Variants in MUC17 observed in about 807,000 individuals in gnomAD.
The protein encoded by MUC17 is mucin-17.
Under a neutral mutation model 170.3 loss-of-function variants are expected in MUC17, and 190 were observed. The observed-to-expected ratio is 1.12, with a 90% CI of 0.99 to 1.26. The LOEUF (loss-of-function observed/expected upper bound fraction) is 1.26, where lower values mean the gene tolerates loss of function less well. MUC17 is among the 50% of genes most tolerant of loss of function. MUC17 has a pLI of 0.00. For synonymous variants in MUC17, 2,325 were observed against 2,002.5 expected (o/e 1.16, Z -4.30); for missense variants, 6,415 against 5,530.0 (o/e 1.16, Z -5.08).
Position 101,020,362 on chromosome 7 carries a change from C to T in MUC17, c.82+145C>T, listed in dbSNP as rs1188485861. 60 of 536,146 alleles carry T rather than the reference C, an allele frequency of 1.1e-4. No individual in the cohort carries two copies. In the East Asian group the frequency reaches 2.0e-3, roughly 18 times the overall value. 33.2% of individuals were successfully genotyped at this position (536,146 alleles called of 1,614,324 possible). A position where few individuals can be genotyped will look rare whatever the true frequency, so the allele number is the denominator to read the frequency against. On this transcript the variant is annotated intron_variant, in intron 1 of 12. Transcript: ENST00000306151. Reference sequence around the variant, plus strand: ...CTGGAGCTCAGCCCTGTGCCTACCCCCTGGACTTCTCTTCTCTCCCCAGCG... The same window carrying T: ...CTGGAGCTCAGCCCTGTGCCTACCCTCTGGACTTCTCTTCTCTCCCCAGCG...
chr7:101,052,002 C>A, intron 9 of MUC17, 40 bp downstream of exon 9: 1 of 1,585,258 alleles, frequency 6.3e-7, no homozygotes, highest in Non-Finnish European at 8.6e-7. Context: ...GCCCAGACGT[C>A]CTGGTCCTCC....
At position 101,051,797 on chromosome 7, in the gene MUC17, C is replaced by T; in HGVS notation, c.12944-6C>T. ...GGCTGTTCCCTGTCCCTGCACCCCC[C>T]ACCAGAGGACTGCCGGAAGATGGCC... On this transcript the variant is annotated splice_polypyrimidine_tract_variant and splice_region_variant and intron_variant, in intron 8 of 12. Transcript: ENST00000306151. The T allele has an allele frequency of 6.2e-7, 1 of 1,612,772 alleles. No homozygotes were observed. The highest frequency in any genetic ancestry group is 8.5e-7 in the Non-Finnish European group (1 of 1,179,004).
In MUC17 at chr7:101,033,298, G is replaced by C. The variant is rs772331907; in HGVS notation, c.1882G>C (p.Gly628Arg). 1.9e-6 allele frequency: 3 copies of C among 1,598,058 alleles called. No individual in the cohort carries two copies. Among genetic ancestry groups the C allele is most frequent in the Non-Finnish European group, 2.6e-6 (3 of 1,173,738 alleles). ...SMPTSTYSER[G>R]TTITSMSVST... Reference sequence around the variant, plus strand: ...GCCAACCTCAACTTACAGTGAAAGAGGCACTACAATAACAAGTATGTCTGT... The same window carrying C: ...GCCAACCTCAACTTACAGTGAAAGACGCACTACAATAACAAGTATGTCTGT... The change falls in exon 3 of 13, where the codon GGC becomes CGC. Residue 628 changes from glycine to arginine, a missense_variant. Coordinates refer to ENST00000306151, the MANE Select transcript of MUC17 (RefSeq NM_001040105.2).
At chr7:101,049,073 C>T (rs990543910) in intron 5 of MUC17, 101 bp downstream of exon 5, 49 of 1,544,844 alleles carry the variant, frequency 3.2e-5, no homozygotes, top group South Asian at 1.5e-4. Flanking sequence ...GTTAGATGTG[C>T]GGGAGTTCTC....
intron 1 of MUC17, among the ~76,000 whole-genome samples, chr7:101,028,978 G>A (rs761652826): frequency 1.3e-4 from 20 of 152,020 alleles, no homozygotes; most frequent in Non-Finnish European, 2.6e-4. Context: ...ACCTGAGGTC[G>A]GGAGTTCGAG....
At position 101,024,738 on chromosome 7, in the gene MUC17, C is replaced by CTTTTTTTT. The variant is rs35811119; in HGVS notation, c.82+4534_82+4541dup. 2.6e-4 allele frequency among the ~76,000 whole-genome samples: 32 copies of CTTTTTTTT among 125,442 alleles called. 1 individual carries two copies. Among genetic ancestry groups the CTTTTTTTT allele is most frequent in the African/African-American group, 6.0e-4 (19 of 31,450 alleles). The allele number at this position is 125,442 out of a possible 152,430, so 82.3% of individuals were successfully genotyped here. A position where few individuals can be genotyped will look rare whatever the true frequency, so the allele number is the denominator to read the frequency against. On this transcript the variant is annotated intron_variant, in intron 1 of 12. Transcript: ENST00000306151. ...AACCTCCTCCCTGCTCTGTCTCCTC[C>CTTTTTTTT]TTTTTTTTTTTTTTTTTTTTCTGAG...
Position 101,049,353 on chromosome 7 carries a change from G to C in MUC17, c.12693G>C (p.Glu4231Asp). 1 of 1,613,810 alleles carries C rather than the reference G, an allele frequency of 6.2e-7. No homozygotes were observed. The highest frequency in any genetic ancestry group is 8.5e-7 in the Non-Finnish European group (1 of 1,179,858). ...ATATTGTGTATTCCGGGATCCCTGA[G>C]TATGTCGGGGTGAACATCACAAAGC... ...QMNIVYSGIP[E>D]YVGVNITKLR... The change falls in exon 6 of 13, where the codon GAG (glutamate) becomes GAC (aspartate). Residue 4231 changes from glutamate to aspartate, a missense_variant. Coordinates refer to ENST00000306151, the MANE Select transcript of MUC17 (RefSeq NM_001040105.2).
chr7:101,030,863 G>C (rs368127946), intron 1 of MUC17, among the ~76,000 whole-genome samples: 50 of 152,340 alleles, frequency 3.3e-4, no homozygotes, highest in African/African-American at 1.1e-3. Flanking sequence ...AGCCTCCAAA[G>C]TGCTGGAACT....
Position 101,033,891 on chromosome 7 carries a change from C to A in MUC17, c.2475C>A (p.Thr825=). The A allele has an allele frequency of 6.2e-7, 1 of 1,613,366 alleles. No individual in the cohort carries two copies. The highest frequency in any genetic ancestry group is 1.7e-4 in the Middle Eastern group (1 of 6,058). ...ITPVTSPEAS[T]LSTTPVDSNS... is the part of the protein sequence containing the mutation. The stretch of plus-strand genomic sequence containing the variant: ...CGGTGACCAGTCCTGAGGCTAGCAC[C>A]CTTTCAACAACTCCTGTTGACTCCA... Residue 825 remains threonine (T), a synonymous_variant, in exon 3 of 13, where the codon ACC becomes ACA. Coordinates refer to ENST00000306151, the MANE Select transcript of MUC17 (RefSeq NM_001040105.2).
intron 8 of MUC17, 37 bp downstream of exon 8, chr7:101,051,718 AG>A: frequency 6.2e-7 from 1 of 1,607,918 alleles, no homozygotes; most frequent in South Asian, 1.1e-5. Context: ...GGAAGGCTGG[AG>A]AGGTGGGGAG....
At position 101,048,852 on chromosome 7, in the gene MUC17, G is replaced by C; in HGVS notation, c.12543G>C (p.Pro4181=). Residue 4181 remains proline, a synonymous_variant, in exon 5 of 13, where the codon CCG becomes CCC. Coordinates refer to ENST00000306151, the MANE Select transcript of MUC17 (RefSeq NM_001040105.2). ...TAAGTCTACCCGCCTCAGGGCCACC[G>C]GAGACTATCTCTGCCCAAATGGAAC... ...EVVSSIDIGP[P]ETISAQMELT... is the part of the protein sequence containing the mutation. 1 of 1,613,966 alleles carries C rather than the reference G, an allele frequency of 6.2e-7. No individual in the cohort carries two copies. Among genetic ancestry groups the C allele is most frequent in the Non-Finnish European group, 8.5e-7 (1 of 1,179,920 alleles).
chr7:101,030,123 C>G (rs1413498388), intron 1 of MUC17, among the ~76,000 whole-genome samples: 7 of 151,948 alleles, frequency 4.6e-5, no homozygotes, highest in African/African-American at 1.7e-4. Flanking sequence ...ACCTTAAGTT[C>G]TCTTAAATGT....
In MUC17 at chr7:101,041,444, C is replaced by T. The variant is rs768595125; in HGVS notation, c.10028C>T (p.Thr3343Ile). Residue 3343 changes from threonine (T) to isoleucine (I), a missense_variant, in exon 3 of 13, where the codon ACA becomes ATA. Coordinates refer to ENST00000306151, the MANE Select transcript of MUC17 (RefSeq NM_001040105.2). ...TATAGTGAAGGAAGCACTCCACTAA[C>T]AAATATGTCTTTCAGCACCACGCCA... ...STYSEGSTPL[T>I]NMSFSTTPVV... The T allele has an allele frequency of 6.2e-7, 1 of 1,614,126 alleles. No individual in the cohort carries two copies. The highest frequency in any genetic ancestry group is 1.1e-5 in the South Asian group (1 of 91,076).
At chr7:101,046,587 G>A (rs1794845470) in intron 3 of MUC17, among the ~76,000 whole-genome samples, 2 of 152,040 alleles carry the variant, frequency 1.3e-5, no homozygotes, top group Non-Finnish European at 2.9e-5. Context: ...ACCAGCCTGA[G>A]CAACAGAGCA....
In MUC17 at chr7:101,032,418, T is replaced by G. The variant is rs1196604768; in HGVS notation, c.1002T>G (p.Thr334=). The G allele has an allele frequency of 6.2e-7, 1 of 1,613,724 alleles. No homozygotes were observed. The highest frequency in any genetic ancestry group is 8.5e-7 in the Non-Finnish European group (1 of 1,179,812). ...IPTSTYTEGS[T]PLTSTPASTM... is the part of the protein sequence containing the mutation. The stretch of plus-strand genomic sequence containing the variant: ...CCTCAACTTATACTGAAGGAAGCAC[T>G]CCATTAACAAGTACGCCTGCCAGCA... The change falls in exon 3 of 13, where the codon ACT becomes ACG. Residue 334 remains threonine (T), a synonymous_variant. Coordinates refer to ENST00000306151, the MANE Select transcript of MUC17 (RefSeq NM_001040105.2).
At chr7:101,021,243 T>C (rs1247468323) in intron 1 of MUC17, among the ~76,000 whole-genome samples, 1 of 147,548 alleles carries the variant, frequency 6.8e-6, no homozygotes, top group Non-Finnish European at 1.5e-5. Context: ...TGGAGTTCTG[T>C]AGCGTGATGT....
rs1465367406 is a variant in MUC17, at chr7:101,058,150, T to C, written c.*106T>C. The stretch of plus-strand genomic sequence containing the variant: ...CCATGGGAACTCAATGTTCCCATTG[T>C]AAGTACAGGAAACAAGCCCTGTACT... On this transcript the variant is annotated 3_prime_UTR_variant, in exon 13 of 13. Transcript: ENST00000306151. 4.8e-6 allele frequency: 5 copies of C among 1,031,304 alleles called. No homozygotes were observed. The highest frequency in any genetic ancestry group is 7.6e-6 in the Non-Finnish European group (5 of 659,570). 63.9% of individuals were successfully genotyped at this position (1,031,304 alleles called of 1,614,324 possible).
chr7:101,034,937 G>C lies in MUC17; in HGVS notation c.3521G>C (p.Ser1174Thr). 1 of 1,614,102 alleles carries C rather than the reference G, an allele frequency of 6.2e-7. No homozygotes were observed. Among genetic ancestry groups the C allele is most frequent in the Non-Finnish European group, 8.5e-7 (1 of 1,179,996 alleles). The change falls in exon 3 of 13, where the codon AGT becomes ACT. Residue 1174 changes from serine (S) to threonine (T), a missense_variant. By Grantham distance (58) the Ser-to-Thr change is moderately conservative. Coordinates refer to ENST00000306151, the MANE Select transcript of MUC17 (RefSeq NM_001040105.2). The stretch of plus-strand genomic sequence containing the variant: ...CCTGTCAGCACCACGCTGGTGGTCA[G>C]TTCTGAGGCTAACACCCTTTCAACA... ...SMPVSTTLVV[S>T]SEANTLSTTP... is the part of the protein sequence containing the mutation.
Position 101,039,708 on chromosome 7 carries a change from C to A in MUC17, c.8292C>A (p.Ala2764=), listed in dbSNP as rs746274738. ...TSILVSTLPV[A]SSEASTVSTT... is the part of the protein sequence containing the mutation. ...TACTTGTCAGCACCCTGCCAGTGGC[C>A]AGTTCTGAGGCTAGCACCGTTTCAA... Residue 2764 remains alanine (A), a synonymous_variant, in exon 3 of 13, where the codon GCC becomes GCA. Transcript: ENST00000306151. 1.2e-6 allele frequency: 2 copies of A among 1,613,326 alleles called. No homozygotes were observed. Among genetic ancestry groups the A allele is most frequent in the Non-Finnish European group, 1.7e-6 (2 of 1,179,624 alleles).
Sources: gnomAD v4.1 joint callset for allele counts (sites outside exome capture counted in the v4.1 genomes callset) on GRCh38, gnomAD v4.1.1 for gene constraint, MANE v1.5 for transcripts, NCBI Gene and HGNC (gene_info 2026-07-23, HGNC 2026-07-21) for gene names.